ZNF844: variants seen among roughly 807,000 people sequenced by gnomAD.
ZNF844 encodes zinc finger protein 844.
Under a neutral mutation model 11.4 loss-of-function variants are expected in ZNF844, and 11 were observed. The observed-to-expected ratio is 0.97, with a 90% CI of 0.61 to 1.60. The LOEUF is 1.60. Ranked by LOEUF, ZNF844 falls within the 40% of genes most tolerant of loss-of-function variation. ZNF844 has a pLI of 0.00. For synonymous variants in ZNF844, 248 were observed against 260.3 expected, an observed-to-expected ratio of 0.95 and a Z score of 0.46; for missense variants, 790 against 796.8, an observed-to-expected ratio of 0.99 and a Z score of 0.10.
At chr19:12,075,061 A>C (rs1975791923) in intron 3 of ZNF844, among the ~76,000 whole-genome samples, 1 of 152,126 alleles carries the variant, frequency 6.6e-6, no homozygotes, top group Admixed American at 6.6e-5. Flanking sequence ...TGAAAGTGCA[A>C]GTTCAGTGGG....
Position 12,077,514 on chromosome 19 carries a change from TATC to T in ZNF844, c.*396_*398del, listed in dbSNP as rs1275588381. 1.3e-5 allele frequency: 8 copies of T among 596,350 alleles called. No individual in the cohort carries two copies. In the African/African-American group the frequency reaches 1.5e-4, roughly 11 times the overall value. 36.9% of individuals were successfully genotyped at this position (596,350 alleles called of 1,614,324 possible). A position where few individuals can be genotyped will look rare whatever the true frequency, so the allele number is the denominator to read the frequency against. Reference sequence around the variant, plus strand: ...CTTCATTTCTTCCGGTAGCCTTCGATATCATGAAAGGACTCACACTGGAGAGAA... The same window carrying T: ...CTTCATTTCTTCCGGTAGCCTTCGATATGAAAGGACTCACACTGGAGAGAA... On this transcript the variant is annotated 3_prime_UTR_variant, in exon 4 of 4. Transcript: ENST00000439326.
rs202098662 is a variant in ZNF844 at position 12,075,818 on chromosome 19, C to A, written c.698C>A (p.Ala233Asp). The change falls in exon 4 of 4, where the codon GCC becomes GAC. Residue 233 changes from alanine to aspartate, a missense_variant. Around this residue, in one of 3 missense-constraint regions of ZNF844, gnomAD observed 657 missense variants for 636.2 expected, o/e 1.03. Transcript: ENST00000439326. Reference sequence around the variant, plus strand: ...TATAAATGTAAACAATGTGGTAAAGCCTTTAGTTATTCAACTTCCCTTCAA... The same window carrying A: ...TATAAATGTAAACAATGTGGTAAAGACTTTAGTTATTCAACTTCCCTTCAA... Reference protein sequence around the residue: ...KPYKCKQCGKAFSYSTSLQIH... With the variant: ...KPYKCKQCGKDFSYSTSLQIH... 49 of 1,611,046 alleles carry A rather than the reference C, an allele frequency of 3.0e-5. No homozygotes were observed. The Middle Eastern group carries it at 6.6e-4, about 22-fold the overall frequency.
chr19:12,073,809 ATT>A (rs1327780558), intron 1 of ZNF844, among the ~76,000 whole-genome samples: 1 of 152,136 alleles, frequency 6.6e-6, no homozygotes, highest in Non-Finnish European at 1.5e-5. Flanking sequence ...GAAAAGACAC[ATT>A]TTTCTATTCT....
At chr19:12,074,253 TTGA>T in intron 2 of ZNF844, 96 bp downstream of exon 2, 1 of 1,563,538 alleles carries the variant, frequency 6.4e-7, no homozygotes, top group Non-Finnish European at 8.7e-7. Flanking sequence ...AGGCAATACT[TTGA>T]TGAATAAATG....
chr19:12,077,020 G>C lies in ZNF844; in HGVS notation c.1900G>C (p.Gly634Arg). 6.3e-7 allele frequency: 1 copy of C among 1,596,872 alleles called. No individual in the cohort carries two copies. The highest frequency in any genetic ancestry group is 1.1e-5 in the South Asian group (1 of 89,094). Residue 634 changes from glycine (G) to arginine (R), a missense_variant, in exon 4 of 4, where the codon GGA (glycine) becomes CGA (arginine). Around this residue, in one of 3 missense-constraint regions of ZNF844, gnomAD observed 657 missense variants for 636.2 expected, o/e 1.03. Transcript: ENST00000439326. ...TTTTCTTCTTTGCGTATACACAAAA[G>C]GATGCACACTGGAGAGAAACCATAT... is the stretch of plus-strand genomic sequence containing the variant. ...IIFLLCVYTK[G>R]CTLERNHINV...
chr19:12,076,406 C>G lies in ZNF844; in HGVS notation c.1286C>G (p.Ser429Ter). The part of the protein sequence containing the change: ...PMNVSSVVKP[S>*]FLPLPFDIMK... ...AATGTAAGCAGTGTAGTAAAGCCTT[C>G]ATTTCTTCCACTTCCTTTCGATATC... The change falls in exon 4 of 4, where the codon TCA (serine) becomes TGA (stop). Residue 429 changes from serine (S) to a stop codon, truncating the protein, a stop_gained. Coordinates refer to ENST00000439326, the MANE Select transcript of ZNF844 (RefSeq NM_001136501.3). LOFTEE classifies it low-confidence loss of function (END_TRUNC). 1 of 1,610,046 alleles carries G rather than the reference C, an allele frequency of 6.2e-7. No individual in the cohort carries two copies. Among genetic ancestry groups the G allele is most frequent in the Non-Finnish European group, 8.5e-7 (1 of 1,177,046 alleles).
Position 12,080,401 on chromosome 19 carries a change from G to C in ZNF844, c.*3280G>C. On this transcript the variant is annotated 3_prime_UTR_variant, in exon 4 of 4. Coordinates refer to ENST00000439326, the MANE Select transcript of ZNF844 (RefSeq NM_001136501.3). The stretch of plus-strand genomic sequence containing the variant: ...GACAGGACAATAAAATTTAGAAATG[G>C]AGTTGGAGGATGTCATAATACAATT... 1 of 385,530 alleles carries C rather than the reference G, an allele frequency of 2.6e-6. No individual in the cohort carries two copies. The highest frequency in any genetic ancestry group is 1.9e-5 in the South Asian group (1 of 53,186). 23.9% of individuals were successfully genotyped at this position (385,530 alleles called of 1,614,324 possible).
At position 12,075,703 on chromosome 19, in the gene ZNF844, G is replaced by A; in HGVS notation, c.583G>A (p.Gly195Arg). The A allele has an allele frequency of 6.2e-7, 1 of 1,613,698 alleles. No individual in the cohort carries two copies. Among genetic ancestry groups the A allele is most frequent in the Non-Finnish European group, 8.5e-7 (1 of 1,179,884 alleles). Reference protein sequence around the residue: ...QRHMIMHNGDGTYKCKFCGKA... With the variant: ...QRHMIMHNGDRTYKCKFCGKA... ...ACACATGATAATGCACAATGGAGAT[G>A]GAACTTATAAATGTAAGTTTTGTGG... The change falls in exon 4 of 4, where the codon GGA (glycine) becomes AGA (arginine). Residue 195 changes from glycine to arginine, a missense_variant. By Grantham distance (125) the Gly-to-Arg change is moderately radical. Transcript: ENST00000439326.
In ZNF844 at chr19:12,076,773, A is replaced by G; in HGVS notation, c.1653A>G (p.Lys551=). The part of the protein sequence containing the change: ...LDLSETFKFM[K]RHTLERNPIR... The stretch of plus-strand genomic sequence containing the variant: ...TGTCAGAAACCTTCAAATTCATGAA[A>G]AGACACACCCTGGAGAGAAACCCTA... Residue 551 remains lysine, a synonymous_variant, in exon 4 of 4, where the codon AAA becomes AAG. Transcript: ENST00000439326. The G allele has an allele frequency of 1.9e-6, 3 of 1,585,808 alleles. No homozygotes were observed. The highest frequency in any genetic ancestry group is 1.1e-5 in the South Asian group (1 of 88,462).
At chr19:12,069,860 TAGG>T (rs952983648) in intron 1 of ZNF844, among the ~76,000 whole-genome samples, 5 of 145,848 alleles carry the variant, frequency 3.4e-5, no homozygotes, top group African/African-American at 1.0e-4. Context: ...GAGGCTGAGG[TAGG>T]AGAATCGCTT....
intron 3 of ZNF844, among the ~76,000 whole-genome samples, chr19:12,074,951 A>T (rs1269720318): frequency 6.6e-6 from 1 of 152,208 alleles, no homozygotes; most frequent in East Asian, 1.9e-4. Flanking sequence ...TATGATTTTT[A>T]AAAATAATAC....
At chr19:12,069,179 CTTT>C (rs748342323) in intron 1 of ZNF844, among the ~76,000 whole-genome samples, 2 of 120,810 alleles carry the variant, frequency 1.7e-5, no homozygotes, top group African/African-American at 6.8e-5. Flanking sequence ...TCTTTTATTC[CTTT>C]TTTTTTTTTT....
intron 1 of ZNF844, among the ~76,000 whole-genome samples, chr19:12,071,569 C>T (rs1975752941): frequency 6.6e-6 from 1 of 152,188 alleles, no homozygotes; most frequent in South Asian, 2.1e-4. Flanking sequence ...CCACTAAAAA[C>T]TACATTATAT....
chr19:12,071,066 G>A (rs1975748225), intron 1 of ZNF844, among the ~76,000 whole-genome samples: 1 of 152,134 alleles, frequency 6.6e-6, no homozygotes, highest in African/African-American at 2.4e-5. Flanking sequence ...TATGATCAAG[G>A]AAGGAGTCCT....
chr19:12,076,183 A>T lies in ZNF844; in HGVS notation c.1063A>T (p.Met355Leu), dbSNP rs1435409779. 6.3e-7 allele frequency: 1 copy of T among 1,586,112 alleles called. No homozygotes were observed. The highest frequency in any genetic ancestry group is 1.8e-5 in the Admixed American group (1 of 54,774). Residue 355 changes from methionine (M) to leucine (L), a missense_variant, in exon 4 of 4, where the codon ATG becomes TTG. This residue lies in a region of ZNF844 where 657 missense variants were observed against 636.2 expected (regional missense o/e 1.03). Transcript: ENST00000439326. ...ATCTTATCTTAACTTTCAAAGACAC[A>T]TGAAAATGCACACTAGAATGAGACC... is the stretch of plus-strand genomic sequence containing the variant. ...ALSYLNFQRH[M>L]KMHTRMRPYK... is the part of the protein sequence containing the mutation.
chr19:12,065,730 C>G (rs1337075207), intron 1 of ZNF844, among the ~76,000 whole-genome samples: 2 of 151,524 alleles, frequency 1.3e-5, no homozygotes, highest in Non-Finnish European at 2.9e-5. Flanking sequence ...CTCTGCCTCC[C>G]GGATTCAAGC....
In ZNF844 at chr19:12,076,686, G is replaced by A. The variant is rs773619391; in HGVS notation, c.1566G>A (p.Met522Ile). 4 of 1,613,832 alleles carry A rather than the reference G, an allele frequency of 2.5e-6. No homozygotes were observed. The highest frequency in any genetic ancestry group is 3.4e-6 in the Non-Finnish European group (4 of 1,179,966). The part of the protein sequence containing the change: ...PSHLPHTFKC[M>I]KGLTLESNCM... ...ATCTGCCTCACACCTTCAAATGCAT[G>A]AAAGGACTCACACTGGAAAGCAACT... Residue 522 changes from methionine to isoleucine, a missense_variant, in exon 4 of 4, where the codon ATG becomes ATA. Met to Ile is a conservative substitution (Grantham distance 10). Around this residue, in one of 3 missense-constraint regions of ZNF844, gnomAD observed 657 missense variants for 636.2 expected, o/e 1.03. Coordinates refer to ENST00000439326, the MANE Select transcript of ZNF844 (RefSeq NM_001136501.3).
Position 12,077,830 on chromosome 19 carries a change from A to C in ZNF844, c.*709A>C. Reference sequence around the variant, plus strand: ...GCTGCATACTAACATGTTATTCTGTATTTTTTTTTTCTTTTTGAGACAGAG... The same window carrying C: ...GCTGCATACTAACATGTTATTCTGTCTTTTTTTTTTCTTTTTGAGACAGAG... On this transcript the variant is annotated 3_prime_UTR_variant, in exon 4 of 4. Transcript: ENST00000439326. The C allele has an allele frequency of 3.6e-6, 1 of 274,500 alleles. No homozygotes were observed. Among genetic ancestry groups the C allele is most frequent in the Non-Finnish European group, 7.1e-6 (1 of 140,406 alleles). The allele number at this position is 274,500 out of a possible 1,614,324, so 17.0% of individuals were successfully genotyped here. A position where few individuals can be genotyped will look rare whatever the true frequency, so the allele number is the denominator to read the frequency against.
rs61413798 is a variant in ZNF844, at chr19:12,080,346, C to CAAAAAAAA, written c.*3238_*3245dup. The stretch of plus-strand genomic sequence containing the variant: ...GCGGCGACAGAGCAAGACTCCGTCT[C>CAAAAAAAA]AAAAAAAAAAAAAAAAAAAAGAGAA... On this transcript the variant is annotated 3_prime_UTR_variant, in exon 4 of 4. Transcript: ENST00000439326. The CAAAAAAAA allele has an allele frequency of 1.2e-4, 20 of 173,074 alleles. No homozygotes were observed. The highest frequency in any genetic ancestry group is 8.3e-4 in the East Asian group (3 of 3,604). The allele number at this position is 173,074 out of a possible 1,614,324, so 10.7% of individuals were successfully genotyped here.
Sources: allele counts gnomAD v4.1 joint callset (sites outside exome capture counted in the v4.1 genomes callset), GRCh38; gene constraint gnomAD v4.1.1; regional missense constraint gnomAD v4.1.1; transcripts MANE v1.5; gene names NCBI Gene and HGNC (gene_info 2026-07-23, HGNC 2026-07-21).